Variants in FCHSD2 observed in about 807,000 individuals in gnomAD.
The protein encoded by FCHSD2 is F-BAR and double SH3 domains protein 2.
A neutral mutation model predicts 108.1 loss-of-function variants in FCHSD2; 38 were observed. The observed-to-expected ratio is 0.35, with a 90% confidence interval of 0.27 to 0.46. The LOEUF (loss-of-function observed/expected upper bound fraction) is 0.46. Ranked by LOEUF, FCHSD2 falls within the 20% of genes least tolerant of loss-of-function variation. The pLI is 1.00. For missense variants in FCHSD2, 751 were observed against 897.8 expected (o/e 0.84, Z 2.09); for synonymous variants, 279 against 314.7 (o/e 0.89, Z 1.20).
chr11:73,001,174 C>G (rs764211696), intron 4 of FCHSD2, 40 bp from the exon 5 acceptor site: 20 of 1,598,720 alleles, frequency 1.3e-5, no homozygotes, highest in Non-Finnish European at 3.4e-6. Flanking sequence ...AGGCAGGGAA[C>G]AGGAAGAAAA....
At chr11:72,910,350 C>T (rs554374634) in intron 9 of FCHSD2, among the ~76,000 whole-genome samples, 17 of 152,248 alleles carry the variant, frequency 1.1e-4, no homozygotes, top group South Asian at 4.2e-4. Context: ...CCATCGAGAA[C>T]GGGCCATGAT....
intron 12 of FCHSD2, among the ~76,000 whole-genome samples, chr11:72,880,381 C>G (rs1224755615): frequency 6.6e-6 from 1 of 152,060 alleles, no homozygotes; most frequent in Non-Finnish European, 1.5e-5. Flanking sequence ...ACCAAAACAG[C>G]ATGGTATTGT....
chr11:73,025,042 G>A (rs767747957), intron 3 of FCHSD2, among the ~76,000 whole-genome samples: 1 of 152,184 alleles, frequency 6.6e-6, no homozygotes, highest in Non-Finnish European at 1.5e-5. Flanking sequence ...ACTGTTTATG[G>A]AAGTGTAAAT....
intron 3 of FCHSD2, among the ~76,000 whole-genome samples, chr11:73,032,332 G>A (rs1256794542): frequency 1.3e-5 from 2 of 152,056 alleles, no homozygotes; most frequent in African/African-American, 4.8e-5. Context: ...GGGCTTAAGC[G>A]ATCTTCCCAC....
At chr11:73,075,274 A>C (rs1338153511) in intron 3 of FCHSD2, among the ~76,000 whole-genome samples, 1 of 152,154 alleles carries the variant, frequency 6.6e-6, no homozygotes, top group Non-Finnish European at 1.5e-5. Flanking sequence ...ACAACACATA[A>C]CCTATGACAC....
At chr11:72,841,151 GAAT>G (rs2135150142) in intron 18 of FCHSD2, among the ~76,000 whole-genome samples, 192 bp from the exon 19 acceptor site, 1 of 151,884 alleles carries the variant, frequency 6.6e-6, no homozygotes, top group African/African-American at 2.4e-5. Flanking sequence ...CTGGGTGACA[GAAT>G]AATACCCTTT....
intron 10 of FCHSD2, among the ~76,000 whole-genome samples, chr11:72,899,735 T>TTA (rs376398152): frequency 1.4e-5 from 1 of 72,736 alleles, no homozygotes; most frequent in Non-Finnish European, 2.4e-5. Context: ...GACCCTATCT[T>TTA]AAAAAAAAAA....
Position 73,079,340 on chromosome 11 carries a change from G to T in FCHSD2, c.165+4355C>A, listed in dbSNP as rs1350618085. On this transcript the variant is annotated intron_variant, in intron 3 of 19. Coordinates refer to ENST00000409418, the MANE Select transcript of FCHSD2 (RefSeq NM_014824.3). The stretch of plus-strand genomic sequence containing the variant: ...GCCTCCTGAGTAGCTGGGATTACAG[G>T]TACCCGCCACGACGCCTGGCTAATT... 2.7e-4 allele frequency among the ~76,000 whole-genome samples: 41 copies of T among 151,654 alleles called. 2 individuals carry two copies. Among genetic ancestry groups the T allele is most frequent in the Admixed American group, 2.6e-3 (39 of 15,246 alleles).
At chr11:72,861,031 A>T (rs2135190339) in intron 13 of FCHSD2, among the ~76,000 whole-genome samples, 1 of 152,272 alleles carries the variant, frequency 6.6e-6, no homozygotes, top group Non-Finnish European at 1.5e-5. Flanking sequence ...AATTGAACAG[A>T]AGAAAAGAAA....
chr11:73,108,663 G>A (rs1042530025), intron 2 of FCHSD2, among the ~76,000 whole-genome samples: 2 of 152,160 alleles, frequency 1.3e-5, no homozygotes, highest in African/African-American at 2.4e-5. Context: ...CCGCTTCCCG[G>A]GTTCACGCCA....
At chr11:72,957,035 TC>T (rs1856725694) in intron 8 of FCHSD2, among the ~76,000 whole-genome samples, 9 of 151,014 alleles carry the variant, frequency 6.0e-5, no homozygotes, top group Non-Finnish European at 7.4e-5. Context: ...TTTTTTTTCT[TC>T]TTTTTTTTTA....
At chr11:73,111,463 C>CT (rs35943868) in intron 2 of FCHSD2, among the ~76,000 whole-genome samples, 215 of 142,200 alleles carry the variant, frequency 1.5e-3, no homozygotes, top group East Asian at 6.1e-3. Context: ...TTTCTCCATC[C>CT]TTTTTTTTTT....
At chr11:73,013,739 T>A (rs989082281) in intron 4 of FCHSD2, among the ~76,000 whole-genome samples, 11 of 152,216 alleles carry the variant, frequency 7.2e-5, no homozygotes, top group Non-Finnish European at 1.3e-4. Flanking sequence ...AATACTTTTT[T>A]AAATTAGGGT....
intron 3 of FCHSD2, among the ~76,000 whole-genome samples, chr11:73,051,140 G>A (rs560777228): frequency 2.6e-5 from 4 of 152,236 alleles, no homozygotes; most frequent in African/African-American, 9.6e-5. Flanking sequence ...AACAAAGTGA[G>A]ACCCTGTCTC....
In FCHSD2 at chr11:73,006,186, C is replaced by T. The variant is rs947228114; in HGVS notation, c.243-5052G>A. 6.8e-4 allele frequency among the ~76,000 whole-genome samples: 104 copies of T among 152,246 alleles called. 1 individual carries two copies. Among genetic ancestry groups the T allele is most frequent in the African/African-American group, 2.4e-3 (98 of 41,540 alleles). On this transcript the variant is annotated intron_variant, in intron 4 of 19. Coordinates refer to ENST00000409418, the MANE Select transcript of FCHSD2 (RefSeq NM_014824.3). The stretch of plus-strand genomic sequence containing the variant: ...CCTCCTAAAGTTCTGGGATTACATA[C>T]ATGAACCACTACTCTCAGCCCAATT...
intron 8 of FCHSD2, among the ~76,000 whole-genome samples, chr11:72,962,776 C>T (rs1856841174): frequency 6.6e-6 from 1 of 151,340 alleles, no homozygotes; most frequent in African/African-American, 2.4e-5. Flanking sequence ...AAAATCACAC[C>T]AAAATGATAT....
chr11:72,934,110 G>GAA (rs375464183), intron 8 of FCHSD2, among the ~76,000 whole-genome samples: 3,778 of 50,266 alleles, frequency 0.075, 449 homozygotes, highest in Middle Eastern at 0.12. Flanking sequence ...CACTGTCTCA[G>GAA]AAAAAAAAAA....
At position 73,026,903 on chromosome 11, in the gene FCHSD2, C is replaced by T. The variant is rs192787151; in HGVS notation, c.166-11018G>A. Reference sequence around the variant, plus strand: ...TAAGACATGCCTTGCTTTCCCTTTGCCTTCTACCATGATTTTAAGTTTCCT... The same window carrying T: ...TAAGACATGCCTTGCTTTCCCTTTGTCTTCTACCATGATTTTAAGTTTCCT... On this transcript the variant is annotated intron_variant, in intron 3 of 19. Transcript: ENST00000409418. 6.6e-5 allele frequency among the ~76,000 whole-genome samples: 10 copies of T among 152,244 alleles called. 2 individuals are homozygous for T. Among genetic ancestry groups the T allele is most frequent in the African/African-American group, 2.4e-4 (10 of 41,540 alleles).
intron 3 of FCHSD2, among the ~76,000 whole-genome samples, chr11:73,025,118 G>A (rs1208928077): frequency 6.6e-6 from 1 of 152,136 alleles, no homozygotes; most frequent in Non-Finnish European, 1.5e-5. Flanking sequence ...TACCATTCAA[G>A]CCATCAATCC....
Sources: gnomAD v4.1 joint callset for allele counts (sites outside exome capture counted in the v4.1 genomes callset) on GRCh38, gnomAD v4.1.1 for gene constraint, MANE v1.5 for transcripts, NCBI Gene and HGNC (gene_info 2026-07-23, HGNC 2026-07-21) for gene names.